The following USP25 variants were observed in gnomAD, a reference collection of about 807,000 sequenced individuals.
The protein encoded by USP25 is ubiquitin specific peptidase 25, also known as ubiquitin carboxyl-terminal hydrolase 25.
USP25 carries 85 observed loss-of-function variants against 158.5 expected under a neutral mutation model. The ratio of observed to expected loss-of-function variants is 0.54; its 90% CI spans 0.45 to 0.64. The LOEUF is 0.64. Among genes scored for constraint, USP25 ranks in the 30% least tolerant of loss-of-function variants. The probability of loss-of-function intolerance (pLI) is 0.00; values close to 1 mark genes in which losing one functional copy is unlikely to be tolerated. For synonymous variants in USP25, 464 were observed against 460.4 expected, an observed-to-expected ratio of 1.01 and a Z score of -0.10; for missense variants, 1,242 against 1,327.3, an observed-to-expected ratio of 0.94 and a Z score of 1.00.
intron 20 of USP25, among the ~76,000 whole-genome samples, chr21:15,862,558 T>TC (rs1210603081): frequency 6.8e-6 from 1 of 147,768 alleles, no homozygotes; most frequent in Non-Finnish European, 1.5e-5. Context: ...ATGTTTGGTC[T>TC]CCCCCCTTCC....
chr21:15,845,241 G>A (rs963180657), intron 18 of USP25, among the ~76,000 whole-genome samples: 1 of 151,988 alleles, frequency 6.6e-6, no homozygotes, highest in African/African-American at 2.4e-5. Context: ...TGGATTTCAG[G>A]CAAGTCATAA....
chr21:15,732,735 AGATG>A (rs1318383491), intron 1 of USP25, among the ~76,000 whole-genome samples: 1 of 152,150 alleles, frequency 6.6e-6, no homozygotes, highest in African/African-American at 2.4e-5. Context: ...TTTATTTTGC[AGATG>A]GATGTAAGTT....
chr21:15,795,058 G>C (rs2035794132), intron 5 of USP25, among the ~76,000 whole-genome samples: 1 of 151,404 alleles, frequency 6.6e-6, no homozygotes, highest in Non-Finnish European at 1.5e-5. Flanking sequence ...GCTTAAACCT[G>C]TCTGCTTCCT....
At chr21:15,878,121 G>T (rs2040171577) in intron 25 of USP25, 130 bp downstream of exon 25, 5 of 1,039,532 alleles carry the variant, frequency 4.8e-6, no homozygotes, top group Admixed American at 3.1e-5. Flanking sequence ...ACATTCACAT[G>T]ATTACTCTTT....
At chr21:15,780,574 A>G (rs1453604770) in intron 4 of USP25, among the ~76,000 whole-genome samples, 1 of 152,200 alleles carries the variant, frequency 6.6e-6, no homozygotes, top group East Asian at 1.9e-4. Flanking sequence ...TACAAAGAGC[A>G]CGCACCTTCA....
At chr21:15,815,996 G>A (rs1024680256) in intron 9 of USP25, among the ~76,000 whole-genome samples, 6 of 152,108 alleles carry the variant, frequency 3.9e-5, no homozygotes, top group African/African-American at 1.2e-4. Flanking sequence ...TGAAATGTGA[G>A]GACATGAGAT....
At chr21:15,787,902 A>AACCC (rs2035376132) in intron 4 of USP25, among the ~76,000 whole-genome samples, 2 of 83,650 alleles carry the variant, frequency 2.4e-5, no homozygotes, top group African/African-American at 3.9e-5. Context: ...ACACCCCCTC[A>AACCC]CCCCCCCCCC....
chr21:15,762,260 A>G (rs1292808376), intron 1 of USP25, among the ~76,000 whole-genome samples: 1 of 151,776 alleles, frequency 6.6e-6, no homozygotes, highest in Admixed American at 6.6e-5. Context: ...TGTAAGGAGG[A>G]AGTTGGTTTT....
At chr21:15,730,976 G>GTTTTTTTTTTTTTTTTTTTTTTTTTTTT (rs748732727) in intron 1 of USP25, among the ~76,000 whole-genome samples, 1 of 53,646 alleles carries the variant, frequency 1.9e-5, no homozygotes, top group African/African-American at 6.9e-5. Flanking sequence ...CTTCTTTTCT[G>GTTTTTTTTTTTTTTTTTTTTTTTTTTTT]TTTTTTTTTT....
chr21:15,808,185 A>C (rs1395841474), intron 7 of USP25, among the ~76,000 whole-genome samples: 1 of 152,078 alleles, frequency 6.6e-6, no homozygotes, highest in Non-Finnish European at 1.5e-5. Context: ...CTGTGTTCCA[A>C]CTCACGTTAT....
intron 1 of USP25, among the ~76,000 whole-genome samples, chr21:15,747,699 G>T (rs1369076054): frequency 6.6e-6 from 1 of 152,116 alleles, no homozygotes; most frequent in Non-Finnish European, 1.5e-5. Flanking sequence ...GGATATGTTG[G>T]ACAAAGGGAA....
intron 1 of USP25, among the ~76,000 whole-genome samples, chr21:15,758,041 C>G (rs963333018): frequency 1.3e-5 from 2 of 152,170 alleles, no homozygotes; most frequent in Admixed American, 6.5e-5. Flanking sequence ...AACTGAGACT[C>G]TGCTTCTAAG....
In USP25 at chr21:15,754,485, G is replaced by A. The variant is rs140047955; in HGVS notation, c.46-8406G>A. 3.9e-5 allele frequency among the ~76,000 whole-genome samples: 6 copies of A among 152,308 alleles called. No individual in the cohort carries two copies. The South Asian group carries it at 6.2e-4, about 16-fold the overall frequency. ...GTGCTTTAGTGCACGTGCTTCTGAA[G>A]TTTAAGAGTTCTTGTCGTCTTTGGA... is the stretch of plus-strand genomic sequence containing the variant. On this transcript the variant is annotated intron_variant, in intron 1 of 25. Transcript: ENST00000400183.
chr21:15,865,976 G>A (rs2039637695), intron 21 of USP25, among the ~76,000 whole-genome samples: 1 of 151,962 alleles, frequency 6.6e-6, no homozygotes, highest in Non-Finnish European at 1.5e-5. Flanking sequence ...TTTTTTAAAA[G>A]TTTCATTTTT....
chr21:15,849,955 T>G (rs1024222962), intron 20 of USP25, 83 bp downstream of exon 20: 5 of 1,096,924 alleles, frequency 4.6e-6, no homozygotes, highest in Non-Finnish European at 6.3e-6. Context: ...GAATTCAGTT[T>G]GGTTTTCTGT....
intron 3 of USP25, among the ~76,000 whole-genome samples, chr21:15,770,046 C>G (rs2034265568): frequency 6.6e-6 from 1 of 151,786 alleles, no homozygotes; most frequent in South Asian, 2.1e-4. Context: ...AGGTTCTATC[C>G]TAGAATTCTA....
intron 1 of USP25, among the ~76,000 whole-genome samples, chr21:15,742,127 G>GT (rs1292930931): frequency 1.3e-5 from 2 of 148,834 alleles, no homozygotes; most frequent in African/African-American, 2.5e-5. Flanking sequence ...TTTTTTAACA[G>GT]TTTTTTATCT....
chr21:15,818,112 A>C (rs1291853643), intron 9 of USP25, among the ~76,000 whole-genome samples: 1 of 152,126 alleles, frequency 6.6e-6, no homozygotes, highest in East Asian at 1.9e-4. Flanking sequence ...ATAGTCCCCC[A>C]GCACTCTGGC....
At chr21:15,869,729 TATA>T (rs1568914094) in intron 22 of USP25, among the ~76,000 whole-genome samples, 2 of 152,324 alleles carry the variant, frequency 1.3e-5, no homozygotes, top group Middle Eastern at 3.4e-3. Context: ...TTGATGTAGA[TATA>T]ATAATAGTTC....
Sources: gnomAD v4.1 joint callset for allele counts (sites outside exome capture counted in the v4.1 genomes callset) on GRCh38, gnomAD v4.1.1 for gene constraint, MANE v1.5 for transcripts, NCBI Gene and HGNC (gene_info 2026-07-23, HGNC 2026-07-21) for gene names.